IL1RAPL2: variants seen among roughly 807,000 people sequenced by gnomAD.
The protein encoded by IL1RAPL2 is X-linked interleukin-1 receptor accessory protein-like 2.
IL1RAPL2 carries 3 observed loss-of-function variants against 44.1 expected under a neutral mutation model. The observed-to-expected ratio is 0.07, with a 90% CI of 0.03 to 0.18. The LOEUF is 0.18. Ranked by LOEUF, IL1RAPL2 falls within the 10% of genes least tolerant of loss-of-function variation. The pLI is 1.00. For synonymous variants in IL1RAPL2, 181 were observed against 178.8 expected (o/e 1.01, Z -0.10); for missense variants, 391 against 496.4 (o/e 0.79, Z 2.02).
intron 6 of IL1RAPL2, among the ~76,000 whole-genome samples, chrX:105,569,681 G>T (rs1005030170): frequency 1.8e-5 from 2 of 111,814 alleles, no homozygotes; most frequent in African/African-American, 6.5e-5. Context: ...AACTATACAA[G>T]AAGTAAACCT....
At chrX:104,624,951 C>T (rs1929471302) in intron 1 of IL1RAPL2, among the ~76,000 whole-genome samples, 1 of 112,011 alleles carries the variant, frequency 8.9e-6, no homozygotes, top group African/African-American at 3.2e-5. Flanking sequence ...TATTACCTCA[C>T]TTTCATTTAA....
intron 6 of IL1RAPL2, among the ~76,000 whole-genome samples, chrX:105,622,996 G>T (rs1051704054): frequency 1.8e-5 from 2 of 110,753 alleles, no homozygotes; most frequent in African/African-American, 6.6e-5. Context: ...TCAAGTACTG[G>T]TTGCTTATGA....
chrX:104,700,021 G>A (rs1474301073), intron 2 of IL1RAPL2, among the ~76,000 whole-genome samples: 2 of 111,965 alleles, frequency 1.8e-5, no homozygotes, highest in South Asian at 3.7e-4. Flanking sequence ...CTGTAAGGGT[G>A]AAAGGAAAAC....
At chrX:105,185,714 A>C (rs190336882) in intron 2 of IL1RAPL2, among the ~76,000 whole-genome samples, 1 of 112,409 alleles carries the variant, frequency 8.9e-6, no homozygotes, top group East Asian at 2.8e-4. Context: ...ATCTTCAGTC[A>C]AGCCACAAGG....
At chrX:104,831,067 A>C (rs888200974) in intron 2 of IL1RAPL2, among the ~76,000 whole-genome samples, 2 of 111,759 alleles carry the variant, frequency 1.8e-5, no homozygotes, top group African/African-American at 6.5e-5. Flanking sequence ...AGTTACTTGT[A>C]ATGACTATCA....
intron 2 of IL1RAPL2, among the ~76,000 whole-genome samples, chrX:105,184,671 GTAT>G (rs782620889): frequency 6.3e-4 from 69 of 109,573 alleles, no homozygotes; most frequent in Non-Finnish European, 1.2e-3. Flanking sequence ...TTATTTCGTA[GTAT>G]TATGTAAAAT....
intron 2 of IL1RAPL2, among the ~76,000 whole-genome samples, chrX:104,666,343 T>G (rs1930488142): frequency 8.9e-6 from 1 of 112,056 alleles, no homozygotes; most frequent in African/African-American, 3.2e-5. Context: ...AAGGTGTGGA[T>G]AATTAAGCTA....
At chrX:105,050,230 A>G (rs1254941644) in intron 2 of IL1RAPL2, among the ~76,000 whole-genome samples, 1 of 112,015 alleles carries the variant, frequency 8.9e-6, no homozygotes, top group Non-Finnish European at 1.9e-5. Flanking sequence ...AGCATGGTGA[A>G]TTCCAATATC....
At chrX:104,961,110 G>A (rs1050137190) in intron 2 of IL1RAPL2, among the ~76,000 whole-genome samples, 8 of 111,376 alleles carry the variant, frequency 7.2e-5, no homozygotes, top group Non-Finnish European at 1.5e-4. Context: ...AAGAGTAGGT[G>A]TGAAAAAGTT....
intron 6 of IL1RAPL2, among the ~76,000 whole-genome samples, chrX:105,593,744 G>T (rs2037189899): frequency 9.0e-6 from 1 of 110,921 alleles, no homozygotes; most frequent in Non-Finnish European, 1.9e-5. Context: ...CTGGTATTGG[G>T]TCCCCAGCTT....
At chrX:105,292,868 C>T (rs1041032339) in intron 5 of IL1RAPL2, among the ~76,000 whole-genome samples, 1 of 109,377 alleles carries the variant, frequency 9.1e-6, no homozygotes, top group Non-Finnish European at 1.9e-5. Flanking sequence ...AATCCCAGCA[C>T]TTTGGGAGGC....
intron 5 of IL1RAPL2, among the ~76,000 whole-genome samples, chrX:105,444,709 T>G (rs1266105023): frequency 9.0e-6 from 1 of 111,385 alleles, no homozygotes; most frequent in Non-Finnish European, 1.9e-5. Context: ...TACATAGGTA[T>G]ACCTGTGCCA....
intron 6 of IL1RAPL2, among the ~76,000 whole-genome samples, chrX:105,634,470 G>A (rs1569460331): frequency 9.0e-6 from 1 of 110,914 alleles, no homozygotes; most frequent in African/African-American, 3.3e-5. Context: ...AATAAAAAAG[G>A]AAAAAAACAA....
In IL1RAPL2 at chrX:104,845,044, T is replaced by G. The variant is rs1277680387; in HGVS notation, c.82+186049T>G. 5.4e-5 allele frequency among the ~76,000 whole-genome samples: 6 copies of G among 111,998 alleles called. No homozygotes were observed. In the Admixed American group the frequency reaches 5.7e-4, roughly 11 times the overall value. On this transcript the variant is annotated intron_variant, in intron 2 of 10. Transcript: ENST00000372582. ...CTTCCAACAAAGTTTTGACATAATCTTCTAATCTCTTCAAACTTTAAAGCT... is the reference window on the plus strand; with the variant it reads ...CTTCCAACAAAGTTTTGACATAATCGTCTAATCTCTTCAAACTTTAAAGCT...
intron 2 of IL1RAPL2, among the ~76,000 whole-genome samples, chrX:104,982,796 T>A (rs1321838471): frequency 9.0e-6 from 1 of 111,693 alleles, no homozygotes; most frequent in Non-Finnish European, 1.9e-5. Flanking sequence ...AATATACCTA[T>A]GTGATGTTTT....
chrX:105,475,732 C>T (rs2036193924), intron 5 of IL1RAPL2, among the ~76,000 whole-genome samples: 1 of 110,341 alleles, frequency 9.1e-6, no homozygotes, highest in Non-Finnish European at 1.9e-5. Flanking sequence ...GTTTAAGTTT[C>T]CATTTCCCCC....
chrX:105,338,746 C>T (rs956398520), intron 5 of IL1RAPL2, among the ~76,000 whole-genome samples: 5 of 111,375 alleles, frequency 4.5e-5, no homozygotes, highest in African/African-American at 1.6e-4. Flanking sequence ...GCATCTTTTG[C>T]TGCCACCACC....
intron 5 of IL1RAPL2, among the ~76,000 whole-genome samples, chrX:105,307,849 CT>C (rs2034763774): frequency 9.6e-6 from 1 of 104,450 alleles, no homozygotes; most frequent in Non-Finnish European, 1.9e-5. Context: ...CTCCTGTGCC[CT>C]TTTAACATGC....
intron 2 of IL1RAPL2, among the ~76,000 whole-genome samples, chrX:105,120,464 C>T (rs1226205226): frequency 9.0e-6 from 1 of 111,062 alleles, no homozygotes; most frequent in Non-Finnish European, 1.9e-5. Flanking sequence ...TAGCAACTAT[C>T]GAGAATAAGA....
Sources: gnomAD v4.1 joint callset for allele counts (sites outside exome capture counted in the v4.1 genomes callset) on GRCh38, gnomAD v4.1.1 for gene constraint, MANE v1.5 for transcripts, NCBI Gene and HGNC (gene_info 2026-07-23, HGNC 2026-07-21) for gene names.